Variants in GAB1 observed in about 807,000 individuals in gnomAD.
The protein encoded by GAB1 is GRB2-associated-binding protein 1.
A neutral mutation model predicts 66.5 loss-of-function variants in GAB1; 19 were observed. The observed-to-expected ratio is 0.29, with a 90% CI of 0.20 to 0.42. The LOEUF (loss-of-function observed/expected upper bound fraction) is 0.42. Ranked by LOEUF, GAB1 falls within the 10% of genes least tolerant of loss-of-function variation. GAB1 has a pLI of 1.00. For synonymous variants in GAB1, 294 were observed against 301.4 expected (o/e 0.98, Z 0.25); for missense variants, 732 against 858.5 (o/e 0.85, Z 1.84).
intron 6 of GAB1, among the ~76,000 whole-genome samples, chr4:143,443,295 C>T (rs936239227): frequency 8.5e-5 from 13 of 152,058 alleles, no homozygotes; most frequent in African/African-American, 2.4e-4. Context: ...GGATTACAGG[C>T]GTGAGCCACT....
intron 1 of GAB1, among the ~76,000 whole-genome samples, chr4:143,350,474 C>CA (rs1406832471): frequency 6.6e-6 from 1 of 151,986 alleles, no homozygotes; most frequent in Non-Finnish European, 1.5e-5. Context: ...GTTCGGGAGA[C>CA]AGAGACCAGC....
At chr4:143,409,394 C>CG (rs907397631) in intron 1 of GAB1, among the ~76,000 whole-genome samples, 2 of 149,710 alleles carry the variant, frequency 1.3e-5, no homozygotes, top group African/African-American at 4.9e-5. Flanking sequence ...TTTCCCCCCC[C>CG]CCGCTCTGAA....
At chr4:143,353,130 T>G (rs1729298757) in intron 1 of GAB1, among the ~76,000 whole-genome samples, 1 of 152,220 alleles carries the variant, frequency 6.6e-6, no homozygotes. Context: ...TGAAGGAGGA[T>G]TAGCTGTTCA....
chr4:143,456,301 C>CA (rs988928488), intron 6 of GAB1, among the ~76,000 whole-genome samples: 3 of 151,984 alleles, frequency 2.0e-5, no homozygotes, highest in African/African-American at 7.2e-5. Context: ...ACTAAAAATA[C>CA]AAAAAATTAG....
chr4:143,344,426 C>T (rs764959239), intron 1 of GAB1, among the ~76,000 whole-genome samples: 1 of 152,200 alleles, frequency 6.6e-6, no homozygotes, highest in South Asian at 2.1e-4. Context: ...ATTGAAGTCA[C>T]GATCTTTCTG....
intron 2 of GAB1, among the ~76,000 whole-genome samples, chr4:143,428,179 T>C (rs1012044598): frequency 6.6e-6 from 1 of 152,224 alleles, no homozygotes; most frequent in Non-Finnish European, 1.5e-5. Context: ...CACACTCACC[T>C]GAGCTGTGCC....
intron 6 of GAB1, among the ~76,000 whole-genome samples, chr4:143,442,451 CA>C (rs1734295534): frequency 6.6e-6 from 1 of 152,130 alleles, no homozygotes; most frequent in Non-Finnish European, 1.5e-5. Flanking sequence ...TATATTTCAA[CA>C]GTTGTGATTC....
intron 1 of GAB1, among the ~76,000 whole-genome samples, chr4:143,373,013 TAACGCATCTGAGG>T (rs1475339021): frequency 6.6e-6 from 1 of 151,404 alleles, no homozygotes; most frequent in Non-Finnish European, 1.5e-5. Flanking sequence ...TTAATTTTAG[TAACGCATCTGAGG>T]ATTGAATTTC....
intron 6 of GAB1, among the ~76,000 whole-genome samples, chr4:143,453,108 C>G (rs1735008940): frequency 6.6e-6 from 1 of 152,060 alleles, no homozygotes; most frequent in South Asian, 2.1e-4. Flanking sequence ...ATTTTCATTT[C>G]TGTCTGGAAC....
At chr4:143,340,503 T>C (rs1728790489) in intron 1 of GAB1, among the ~76,000 whole-genome samples, 1 of 152,130 alleles carries the variant, frequency 6.6e-6, no homozygotes, top group African/African-American at 2.4e-5. Context: ...AAAATTGTTT[T>C]AGTTTTTTTT....
chr4:143,359,189 C>T (rs1395046608), intron 1 of GAB1, among the ~76,000 whole-genome samples: 1 of 152,168 alleles, frequency 6.6e-6, no homozygotes, highest in Non-Finnish European at 1.5e-5. Context: ...GGGCCATTTC[C>T]GTTTTCTCTG....
intron 6 of GAB1, among the ~76,000 whole-genome samples, chr4:143,454,886 C>T (rs1735100270): frequency 6.6e-6 from 1 of 151,844 alleles, no homozygotes; most frequent in Admixed American, 6.6e-5. Flanking sequence ...AAGATAGGAG[C>T]TGAGTTTCTC....
rs62337521 is a variant in GAB1 at position 143,377,912 on chromosome 4, T to C, written c.73-37565T>C. Reference sequence around the variant, plus strand: ...ATTATTTTTAGCCACGTTCATGTGTTTTAAACAATCCCTTTTAGGTCTGTT... The same window carrying C: ...ATTATTTTTAGCCACGTTCATGTGTCTTAAACAATCCCTTTTAGGTCTGTT... On this transcript the variant is annotated intron_variant, in intron 1 of 9. Coordinates refer to ENST00000262994, the MANE Select transcript of GAB1 (RefSeq NM_002039.4). Among the ~76,000 whole-genome samples the C allele has an allele frequency of 6.4e-3, 969 of 152,330 alleles. 7 individuals carry two copies. Among genetic ancestry groups the C allele is most frequent in the Non-Finnish European group, 9.1e-3 (618 of 68,036 alleles).
intron 6 of GAB1, among the ~76,000 whole-genome samples, chr4:143,445,037 C>G (rs1734435851): frequency 6.6e-6 from 1 of 152,184 alleles, no homozygotes; most frequent in Admixed American, 6.5e-5. Context: ...ATTGTAAACA[C>G]TGCTGCAGTG....
At chr4:143,429,842 A>G (rs1251115664) in intron 2 of GAB1, among the ~76,000 whole-genome samples, 1 of 152,230 alleles carries the variant, frequency 6.6e-6, no homozygotes, top group African/African-American at 2.4e-5. Context: ...ACTCACAACT[A>G]GTTTCCAAAT....
At chr4:143,422,228 A>G (rs1451654390) in intron 2 of GAB1, among the ~76,000 whole-genome samples, 1 of 152,208 alleles carries the variant, frequency 6.6e-6, no homozygotes, top group Non-Finnish European at 1.5e-5. Context: ...TACAGAAAGA[A>G]AAATTATTAA....
Position 143,438,075 on chromosome 4 carries a change from G to C in GAB1, c.670G>C (p.Ala224Pro), listed in dbSNP as rs1734024877. The C allele has an allele frequency of 6.2e-7, 1 of 1,613,990 alleles. No homozygotes were observed. The highest frequency in any genetic ancestry group is 8.5e-7 in the Non-Finnish European group (1 of 1,179,980). Residue 224 changes from alanine (A) to proline (P), a missense_variant, in exon 4 of 10, where the codon GCT (alanine) becomes CCT (proline). Ala to Pro is a conservative substitution (Grantham distance 27). Around this residue, in one of 4 missense-constraint regions of GAB1, gnomAD observed 427 missense variants for 420.6 expected, o/e 1.02. Transcript: ENST00000262994. Reference protein sequence around the residue: ...NDNVPSHKNPASSQSKHGMNG... With the variant: ...NDNVPSHKNPPSSQSKHGMNG... ...TAACGTCCCTTCTCATAAAAATCCT[G>C]CTTCCTCCCAGAGCAAACATGGAAT...
At chr4:143,353,673 C>CA (rs552747425) in intron 1 of GAB1, among the ~76,000 whole-genome samples, 3,979 of 122,072 alleles carry the variant, frequency 0.033, 151 homozygotes, top group African/African-American at 0.11. Flanking sequence ...AGATCCTGAC[C>CA]AAAAAAAAAA....
chr4:143,388,410 A>G (rs980588357), intron 1 of GAB1, among the ~76,000 whole-genome samples: 1 of 152,096 alleles, frequency 6.6e-6, no homozygotes, highest in African/African-American at 2.4e-5. Flanking sequence ...TGCAAATGCA[A>G]ATAGAGGTTT....
Sources: allele counts gnomAD v4.1 joint callset (sites outside exome capture counted in the v4.1 genomes callset), GRCh38; gene constraint gnomAD v4.1.1; regional missense constraint gnomAD v4.1.1; transcripts MANE v1.5; gene names NCBI Gene and HGNC (gene_info 2026-07-23, HGNC 2026-07-21).